The following DIS3L2 variants were observed in gnomAD, a reference collection of about 807,000 sequenced individuals.
DIS3L2 encodes the protein DIS3-like exonuclease 2.
Under a neutral mutation model 97.5 loss-of-function variants are expected in DIS3L2, and 34 were observed. That is an observed-to-expected ratio of 0.35 (90% CI 0.27 to 0.46). The LOEUF (loss-of-function observed/expected upper bound fraction) is 0.46, where lower values mean the gene tolerates loss of function less well. DIS3L2 is among the 20% of genes least tolerant of loss of function. The pLI, the probability that DIS3L2 is intolerant of heterozygous loss-of-function variation, is 1.00. For missense variants in DIS3L2, 1,038 were observed against 1,146.0 expected, an observed-to-expected ratio of 0.91 and a Z score of 1.36; for synonymous variants, 435 against 445.2, an observed-to-expected ratio of 0.98 and a Z score of 0.29.
At chr2:232,337,587 A>T (rs1575031145), downstream of DIS3L2, among the ~76,000 whole-genome samples, 1 of 151,814 alleles carries the variant, frequency 6.6e-6, no homozygotes, top group African/African-American at 2.4e-5. Context: ...AGCCAGCCTG[A>T]CCCCAGCCTG....
At position 232,087,578 on chromosome 2, in the gene DIS3L2, A is replaced by G. The variant is rs1490327109; in HGVS notation, c.458A>G (p.Gln153Arg). ...EELCGHHLPQ[Q>R]SLKSYNDSPD... ...CTCTGTGGACACCATCTCCCGCAAC[A>G]GTCCCTGAAAAGCTATAATGACAGT... The change falls in exon 6 of 21, where the codon CAG becomes CGG. Residue 153 changes from glutamine to arginine, a missense_variant. This residue lies in a region of DIS3L2 where 813 missense variants were observed against 880.1 expected (regional missense o/e 0.92). Coordinates refer to ENST00000325385, the MANE Select transcript of DIS3L2 (RefSeq NM_152383.5). 1.2e-6 allele frequency: 2 copies of G among 1,614,154 alleles called. No homozygotes were observed. Among genetic ancestry groups the G allele is most frequent in the Non-Finnish European group, 1.7e-6 (2 of 1,180,026 alleles).
At chr2:232,141,410 C>G (rs529658406) in intron 8 of DIS3L2, among the ~76,000 whole-genome samples, 2 of 152,218 alleles carry the variant, frequency 1.3e-5, no homozygotes, top group East Asian at 3.9e-4. Flanking sequence ...TGACATGAAT[C>G]GACCTAGAGC....
intron 10 of DIS3L2, among the ~76,000 whole-genome samples, chr2:232,234,709 C>T (rs1253891078): frequency 6.6e-6 from 1 of 152,224 alleles, no homozygotes; most frequent in Non-Finnish European, 1.5e-5. Context: ...TTTCAGATGT[C>T]CTCACTGATT....
downstream of DIS3L2, chr2:232,340,824 T>C (rs1196591827): frequency 2.1e-6 from 1 of 471,390 alleles, no homozygotes; most frequent in Non-Finnish European, 4.4e-6. Flanking sequence ...TGCTCAGAGC[T>C]TCCAGTCACA....
intron 19 of DIS3L2, 107 bp from the exon 20 acceptor site, chr2:232,335,666 C>CAGGGCCG: frequency 7.7e-7 from 1 of 1,297,106 alleles, no homozygotes; most frequent in Non-Finnish European, 1.1e-6. Flanking sequence ...AAGGGTGGGC[C>CAGGGCCG]AGGGCCGAGG....
intron 8 of DIS3L2, among the ~76,000 whole-genome samples, chr2:232,140,964 G>A (rs1048724769): frequency 6.6e-5 from 10 of 152,146 alleles, no homozygotes; most frequent in South Asian, 2.1e-4. Context: ...AGGGATCACT[G>A]TTTTTTGTTA....
At chr2:232,030,147 C>G in intron 5 of DIS3L2, 67 bp downstream of exon 5, 14 of 1,394,394 alleles carry the variant, frequency 1.0e-5, no homozygotes, top group Non-Finnish European at 1.3e-5. Context: ...GGTGCACCAA[C>G]AAGGCATCAT....
chr2:231,983,534 G>A (rs1373517720), intron 1 of DIS3L2, among the ~76,000 whole-genome samples: 2 of 152,122 alleles, frequency 1.3e-5, no homozygotes, highest in African/African-American at 4.8e-5. Context: ...ATAGGAGTGC[G>A]AACCCTGTTG....
intron 9 of DIS3L2, among the ~76,000 whole-genome samples, chr2:232,200,338 C>G (rs533276882): frequency 1.3e-5 from 2 of 152,194 alleles, no homozygotes; most frequent in Admixed American, 1.3e-4. Flanking sequence ...GCTGAAAGGG[C>G]CTGGAGGCAA....
intron 9 of DIS3L2, among the ~76,000 whole-genome samples, chr2:232,197,441 TG>T (rs1376315707): frequency 6.6e-6 from 1 of 152,206 alleles, no homozygotes; most frequent in East Asian, 1.9e-4. Flanking sequence ...GGAAAGTACT[TG>T]GTACTTGACT....
intron 5 of DIS3L2, among the ~76,000 whole-genome samples, chr2:232,085,656 G>A (rs1315535239): frequency 1.3e-5 from 2 of 152,250 alleles, no homozygotes; most frequent in African/African-American, 2.4e-5. Flanking sequence ...TTTTGCTAAT[G>A]TGGATGGGCA....
intron 14 of DIS3L2, among the ~76,000 whole-genome samples, chr2:232,323,777 G>T (rs947023137): frequency 6.6e-6 from 1 of 152,180 alleles, no homozygotes; most frequent in Non-Finnish European, 1.5e-5. Context: ...CCCTCTGCTG[G>T]AGACTGGCAG....
chr2:232,336,643 G>T lies in DIS3L2; in HGVS notation c.*13G>T, dbSNP rs200467865. ...AAGCACCAGCTGAGCTCCACCAGCC[G>T]CCTGCCCCGCCTGCCCCGCCTGCCT... On this transcript the variant is annotated 3_prime_UTR_variant, in exon 21 of 21. Transcript: ENST00000325385. 1.3e-6 allele frequency: 2 copies of T among 1,496,868 alleles called. No individual in the cohort carries two copies. The highest frequency in any genetic ancestry group is 9.0e-7 in the Non-Finnish European group (1 of 1,114,016). The allele number at this position is 1,496,868 out of a possible 1,614,324, so 92.7% of individuals were successfully genotyped here. A position where few individuals can be genotyped will look rare whatever the true frequency, so the allele number is the denominator to read the frequency against.
At chr2:232,149,444 G>A (rs796612032) in intron 8 of DIS3L2, among the ~76,000 whole-genome samples, 11,963 of 129,512 alleles carry the variant, frequency 0.092, 671 homozygotes, top group African/African-American at 0.16. Context: ...GAGAATATGC[G>A]GTGTTTGGTT....
At chr2:232,102,373 G>A (rs961331883) in intron 6 of DIS3L2, among the ~76,000 whole-genome samples, 5 of 152,154 alleles carry the variant, frequency 3.3e-5, no homozygotes, top group African/African-American at 1.2e-4. Context: ...CAACAATTGG[G>A]GAGATTTAAA....
chr2:232,206,945 A>T (rs1692042412), intron 9 of DIS3L2, among the ~76,000 whole-genome samples: 1 of 152,190 alleles, frequency 6.6e-6, no homozygotes, highest in African/African-American at 2.4e-5. Context: ...ATTATCATTC[A>T]TGCACTGGAT....
intron 13 of DIS3L2, among the ~76,000 whole-genome samples, chr2:232,277,315 A>G (rs960984059): frequency 1.4e-4 from 21 of 152,182 alleles, no homozygotes; most frequent in African/African-American, 5.1e-4. Flanking sequence ...CTGTTTTGAT[A>G]ACTAGGCCAG....
chr2:232,255,198 A>T (rs939708409), intron 12 of DIS3L2, among the ~76,000 whole-genome samples: 1 of 152,260 alleles, frequency 6.6e-6, no homozygotes, highest in Non-Finnish European at 1.5e-5. Context: ...GTAGCCCTGC[A>T]TCAAGAACCC....
intron 9 of DIS3L2, 113 bp from the exon 10 acceptor site, chr2:232,210,210 TCAC>T: frequency 1.3e-6 from 1 of 749,450 alleles, no homozygotes; most frequent in Non-Finnish European, 2.3e-6. Flanking sequence ...AAGTTATTTT[TCAC>T]TTTCCCTAAC....
Sources: allele counts gnomAD v4.1 joint callset (sites outside exome capture counted in the v4.1 genomes callset), GRCh38; gene constraint gnomAD v4.1.1; regional missense constraint gnomAD v4.1.1; transcripts MANE v1.5; gene names NCBI Gene and HGNC (gene_info 2026-07-23, HGNC 2026-07-21).